Variants in ATXN1 observed in about 807,000 individuals in gnomAD.
ATXN1 encodes ataxin 1.
ATXN1 carries 8 observed loss-of-function variants against 56.4 expected under a neutral mutation model. The observed-to-expected ratio is 0.14, with a 90% CI of 0.08 to 0.26. The LOEUF (loss-of-function observed/expected upper bound fraction) is 0.26. ATXN1 is among the 10% of genes least tolerant of loss of function. The pLI, the probability that ATXN1 is intolerant of heterozygous loss-of-function variation, is 1.00. For synonymous variants in ATXN1, 514 were observed against 494.6 expected, an observed-to-expected ratio of 1.04 and a Z score of -0.52; for missense variants, 987 against 1,106.5, an observed-to-expected ratio of 0.89 and a Z score of 1.53.
intron 2 of ATXN1, among the ~76,000 whole-genome samples, chr6:16,725,387 C>T (rs1759827483): frequency 6.6e-6 from 1 of 152,132 alleles, no homozygotes; most frequent in African/African-American, 2.4e-5. Context: ...GCATGAACTA[C>T]ACACAGCAAT....
chr6:16,413,498 A>G (rs1758843999), intron 6 of ATXN1, among the ~76,000 whole-genome samples: 1 of 152,178 alleles, frequency 6.6e-6, no homozygotes. Flanking sequence ...ACAGGAACCC[A>G]ATCATTTCTG....
chr6:16,716,286 A>G (rs1180134223), intron 2 of ATXN1, among the ~76,000 whole-genome samples: 1 of 152,222 alleles, frequency 6.6e-6, no homozygotes, highest in Non-Finnish European at 1.5e-5. Context: ...ATGAGTATCA[A>G]TGCCAAGCTG....
chr6:16,554,774 A>T (rs544865440), intron 4 of ATXN1, among the ~76,000 whole-genome samples: 1 of 151,980 alleles, frequency 6.6e-6, no homozygotes, highest in East Asian at 1.9e-4. Flanking sequence ...TATTTTTAGT[A>T]GAGATAGGGT....
chr6:16,516,804 G>A (rs1761191937), intron 5 of ATXN1, among the ~76,000 whole-genome samples: 3 of 152,068 alleles, frequency 2.0e-5, no homozygotes, highest in Non-Finnish European at 4.4e-5. Flanking sequence ...TTGCCTTAAT[G>A]TCACTTTTAC....
At position 16,760,226 on chromosome 6, in the gene ATXN1, GCGCCTCCTCCGCGGCGGCCGC is replaced by G. The variant is rs1183958182; in HGVS notation, c.-730+1051_-730+1071del. ...TCCAGGGCGCATCCCAATCCCCGCA[GCGCCTCCTCCGCGGCGGCCGC>G]CGCCTCCTCCTCCTTCCCCTCCTCC... On this transcript the variant is annotated intron_variant, in intron 1 of 7. Coordinates refer to ENST00000436367, the MANE Select transcript of ATXN1 (RefSeq NM_001128164.2). The surrounding 1 kb of genome is among the most constrained non-coding windows in gnomAD (Gnocchi z 5.3). Among the ~76,000 whole-genome samples the G allele has an allele frequency of 6.6e-6, 1 of 151,854 alleles. No individual in the cohort carries two copies. Among genetic ancestry groups the G allele is most frequent in the African/African-American group, 2.4e-5 (1 of 41,350 alleles).
intron 6 of ATXN1, among the ~76,000 whole-genome samples, chr6:16,351,468 T>A (rs1316158017): frequency 6.6e-6 from 1 of 150,762 alleles, no homozygotes; most frequent in African/African-American, 2.4e-5. Context: ...AGTGGCCCAA[T>A]CTTGGCTCAC....
chr6:16,429,217 T>C (rs1345293951), intron 6 of ATXN1, among the ~76,000 whole-genome samples: 2 of 152,036 alleles, frequency 1.3e-5, no homozygotes, highest in African/African-American at 4.8e-5. Context: ...TTAAATTCTC[T>C]GCCCTACTAT....
chr6:16,425,899 C>G (rs1342665167), intron 6 of ATXN1, among the ~76,000 whole-genome samples: 1 of 152,098 alleles, frequency 6.6e-6, no homozygotes, highest in Non-Finnish European at 1.5e-5. Context: ...AAGTGTGCAC[C>G]CTATAAGCAT....
chr6:16,643,151 T>G (rs1011281642), intron 3 of ATXN1, among the ~76,000 whole-genome samples: 1 of 151,094 alleles, frequency 6.6e-6, no homozygotes, highest in African/African-American at 2.4e-5. Context: ...GCACCTATAG[T>G]CCCAGCTACT....
chr6:16,494,034 G>A (rs1581799839), intron 5 of ATXN1, among the ~76,000 whole-genome samples: 1 of 152,124 alleles, frequency 6.6e-6, no homozygotes, highest in East Asian at 1.9e-4. Flanking sequence ...CCACCAAGGA[G>A]CTTAAGTGGC....
chr6:16,486,699 A>C (rs528645252), intron 5 of ATXN1, among the ~76,000 whole-genome samples: 2 of 152,298 alleles, frequency 1.3e-5, no homozygotes, highest in South Asian at 4.2e-4. Flanking sequence ...AGAATCTGGA[A>C]TCTCCGGGAA....
At chr6:16,380,317 G>A (rs570298813) in intron 6 of ATXN1, among the ~76,000 whole-genome samples, 1 of 152,126 alleles carries the variant, frequency 6.6e-6, no homozygotes, top group Admixed American at 6.5e-5. Flanking sequence ...AGACCACAGT[G>A]CAAAAAATTA....
chr6:16,660,635 ATT>A lies in ATXN1; in HGVS notation c.-614-2736_-614-2735del, dbSNP rs560626777. 8.7e-3 allele frequency among the ~76,000 whole-genome samples: 1,321 copies of A among 152,290 alleles called. 20 individuals carry two copies. Among genetic ancestry groups the A allele is most frequent in the African/African-American group, 0.03 (1,253 of 41,550 alleles). ...TTGCCATAATTAATTCTCAATTATA[ATT>A]TGTTTTTACATGTATTTGAATGTTT... On this transcript the variant is annotated intron_variant, in intron 2 of 7. Coordinates refer to ENST00000436367, the MANE Select transcript of ATXN1 (RefSeq NM_001128164.2).
intron 6 of ATXN1, among the ~76,000 whole-genome samples, chr6:16,466,530 C>T (rs1760111586): frequency 6.6e-6 from 1 of 152,114 alleles, no homozygotes; most frequent in Non-Finnish European, 1.5e-5. Context: ...GAAGAACTTT[C>T]ACTCTTACAT....
At chr6:16,439,010 G>A (rs771478523) in intron 6 of ATXN1, among the ~76,000 whole-genome samples, 10 of 151,880 alleles carry the variant, frequency 6.6e-5, no homozygotes, top group Non-Finnish European at 1.3e-4. Flanking sequence ...TTCCAAAAGA[G>A]GAAACTCCAA....
intron 6 of ATXN1, among the ~76,000 whole-genome samples, chr6:16,380,299 T>A (rs1328187218): frequency 6.6e-6 from 1 of 152,162 alleles, no homozygotes; most frequent in Non-Finnish European, 1.5e-5. Flanking sequence ...GTCTACTATA[T>A]GCCAGGCAGA....
chr6:16,543,281 T>G (rs1761750443), intron 4 of ATXN1, among the ~76,000 whole-genome samples: 1 of 152,150 alleles, frequency 6.6e-6, no homozygotes, highest in South Asian at 2.1e-4. Context: ...ACTTTCCTTA[T>G]AAAAAGTAAT....
intron 4 of ATXN1, among the ~76,000 whole-genome samples, chr6:16,533,015 G>A (rs907516221): frequency 6.6e-6 from 1 of 152,166 alleles, no homozygotes; most frequent in Non-Finnish European, 1.5e-5. Flanking sequence ...GATACAAAAT[G>A]TGATACATAT....
intron 5 of ATXN1, among the ~76,000 whole-genome samples, chr6:16,504,058 C>T (rs1760935186): frequency 6.6e-6 from 1 of 152,150 alleles, no homozygotes; most frequent in African/African-American, 2.4e-5. Context: ...CCCTTGCCCC[C>T]ACCTGCTATA....
Sources: allele counts gnomAD v4.1 joint callset (sites outside exome capture counted in the v4.1 genomes callset), GRCh38; gene constraint gnomAD v4.1.1; non-coding constraint Gnocchi (gnomAD v3.1); transcripts MANE v1.5; gene names NCBI Gene and HGNC (gene_info 2026-07-23, HGNC 2026-07-21).